Variants in LRRC41 observed in about 807,000 individuals in gnomAD.
The protein encoded by LRRC41 is leucine-rich repeat-containing protein 41.
In LRRC41, 17 loss-of-function variants were observed where a neutral mutation model predicts 72.1. That is an observed-to-expected ratio of 0.24 (90% CI 0.16 to 0.35). The LOEUF (loss-of-function observed/expected upper bound fraction) is 0.35. Among genes scored for constraint, LRRC41 ranks in the 10% least tolerant of loss-of-function variants. The pLI, the probability that LRRC41 is intolerant of heterozygous loss-of-function variation, is 1.00. For synonymous variants in LRRC41, 427 were observed against 431.0 expected (o/e 0.99, Z 0.11); for missense variants, 759 against 1,065.0 (o/e 0.71, Z 4.00).
intron 1 of LRRC41, among the ~76,000 whole-genome samples, chr1:46,301,615 C>T (rs1245885990): frequency 6.6e-6 from 1 of 152,098 alleles, no homozygotes; most frequent in Admixed American, 6.6e-5. Flanking sequence ...CAGCTTATCC[C>T]GGAGCTTCAG....
At chr1:46,301,063 G>A (rs1408313078) in intron 1 of LRRC41, among the ~76,000 whole-genome samples, 1 of 152,070 alleles carries the variant, frequency 6.6e-6, no homozygotes, top group Non-Finnish European at 1.5e-5. Context: ...AATTGTTTTA[G>A]GGGGAAGAGG....
Position 46,278,654 on chromosome 1 carries a change from G to C in LRRC41, c.*211C>G, listed in dbSNP as rs1470582866. On this transcript the variant is annotated 3_prime_UTR_variant, in exon 10 of 10. Transcript: ENST00000617190. Reference sequence around the variant, plus strand: ...AGGGTTCCCAGGATACTGAGTAAGGGGCCCAAAGACTATAAACCCAGCTGT... The same window carrying C: ...AGGGTTCCCAGGATACTGAGTAAGGCGCCCAAAGACTATAAACCCAGCTGT... The C allele has an allele frequency of 1.6e-6, 1 of 616,492 alleles. No individual in the cohort carries two copies. The highest frequency in any genetic ancestry group is 1.8e-5 in the African/African-American group (1 of 54,314). The allele number at this position is 616,492 out of a possible 1,614,324, so 38.2% of individuals were successfully genotyped here. A position where few individuals can be genotyped will look rare whatever the true frequency, so the allele number is the denominator to read the frequency against.
intron 3 of LRRC41, among the ~76,000 whole-genome samples, chr1:46,288,968 G>C (rs1233796043): frequency 2.0e-5 from 3 of 152,198 alleles, no homozygotes; most frequent in African/African-American, 4.8e-5. Flanking sequence ...CCTTAGCAAG[G>C]CTTCAGCTTT....
In LRRC41 at chr1:46,285,258, C is replaced by T; in HGVS notation, c.1495+104G>A. 1.7e-6 allele frequency: 2 copies of T among 1,152,878 alleles called. No homozygotes were observed. Among genetic ancestry groups the T allele is most frequent in the Non-Finnish European group, 2.5e-6 (2 of 788,576 alleles). The allele number at this position is 1,152,878 out of a possible 1,614,324, so 71.4% of individuals were successfully genotyped here. A position where few individuals can be genotyped will look rare whatever the true frequency, so the allele number is the denominator to read the frequency against. On this transcript the variant is annotated intron_variant, in intron 4 of 9. Coordinates refer to ENST00000617190, the MANE Select transcript of LRRC41 (RefSeq NM_006369.5). This position sits in a 1 kb window ranked among gnomAD's most constrained non-coding sequence, Gnocchi z 5.3. Reference sequence around the variant, plus strand: ...CATACAAGCCTTCCTCTCTAACCTCCTGATCATACCCCCAATTTGCCCCTC... The same window carrying T: ...CATACAAGCCTTCCTCTCTAACCTCTTGATCATACCCCCAATTTGCCCCTC...
At chr1:46,296,452 T>A (rs1196441720) in intron 3 of LRRC41, among the ~76,000 whole-genome samples, 1 of 150,718 alleles carries the variant, frequency 6.6e-6, no homozygotes, top group Non-Finnish European at 1.5e-5. Context: ...AAAACAAAAC[T>A]GTTAGGTCTT....
At chr1:46,292,317 C>T (rs1312180106) in intron 3 of LRRC41, among the ~76,000 whole-genome samples, 9 of 151,800 alleles carry the variant, frequency 5.9e-5, no homozygotes, top group South Asian at 2.1e-4. Flanking sequence ...AGACTGGTCT[C>T]GAATTCATGG....
Position 46,277,695 on chromosome 1 carries a change from A to G in LRRC41, c.*1170T>C, listed in dbSNP as rs779114433. 6.8e-5 allele frequency: 79 copies of G among 1,158,550 alleles called. No individual in the cohort carries two copies. Among genetic ancestry groups the G allele is most frequent in the Non-Finnish European group, 9.8e-5 (77 of 786,014 alleles). The allele number at this position is 1,158,550 out of a possible 1,614,324, so 71.8% of individuals were successfully genotyped here. A position where few individuals can be genotyped will look rare whatever the true frequency, so the allele number is the denominator to read the frequency against. On this transcript the variant is annotated 3_prime_UTR_variant, in exon 10 of 10. Transcript: ENST00000617190. ...GTAGAGATAATGTTCTGGGACTCAT[A>G]CTTTTTATTCATCTCCTCTTCTCGG...
intron 7 of LRRC41, 43 bp downstream of exon 7, chr1:46,280,149 G>T: frequency 6.9e-7 from 1 of 1,458,966 alleles, no homozygotes; most frequent in Non-Finnish European, 9.6e-7. Context: ...CAGAACCATA[G>T]TGAAGACCCA....
chr1:46,286,453 T>TG lies in LRRC41; in HGVS notation c.403dup (p.His135ProfsTer8). 6.2e-7 allele frequency: 1 copy of TG among 1,604,870 alleles called. No homozygotes were observed. The highest frequency in any genetic ancestry group is 8.5e-7 in the Non-Finnish European group (1 of 1,176,114). On this transcript the variant is annotated frameshift_variant, in exon 4 of 10. Transcript: ENST00000617190. LOFTEE classifies it high-confidence loss of function. This position sits in a 1 kb window ranked among gnomAD's most constrained non-coding sequence, Gnocchi z 5.5. Reference sequence around the variant, plus strand: ...CACATCAATGGTCCCACGTAGAACATGGGAAAAAAAGGCCTCCATAAACTT... The same window carrying TG: ...CACATCAATGGTCCCACGTAGAACATGGGGAAAAAAAGGCCTCCATAAACTT...
In LRRC41 at chr1:46,303,257, G is replaced by C. The variant is rs1273831422; in HGVS notation, c.66C>G (p.Thr22=). Residue 22 remains threonine, a synonymous_variant, in exon 1 of 10, where the codon ACC becomes ACG. Transcript: ENST00000617190. The part of the protein sequence containing the change: ...CWFCEVAAAT[T]MEATSREAAP... The stretch of plus-strand genomic sequence containing the variant: ...CCGCCTCCCGGGACGTGGCCTCCAT[G>C]GTCGTTGCCGCCGCTACCTCACAGA... The C allele has an allele frequency of 6.5e-7, 1 of 1,547,720 alleles. No homozygotes were observed. Among genetic ancestry groups the C allele is most frequent in the East Asian group, 2.4e-5 (1 of 40,954 alleles).
intron 4 of LRRC41, 70 bp from the exon 5 acceptor site, chr1:46,281,455 C>A: frequency 6.9e-7 from 1 of 1,459,020 alleles, no homozygotes; most frequent in Non-Finnish European, 9.4e-7. Context: ...TCAAATACAA[C>A]TCCAAATACT....
Position 46,285,967 on chromosome 1 carries a change from C to T in LRRC41, c.890G>A (p.Cys297Tyr). ...RRPRRDAAER[C>Y]AAALMASRRK... ...CCGGCTGGCCATCAGGGCTGCAGCA[C>T]ATCGCTCAGCAGCATCCCGGCGGGG... Residue 297 changes from cysteine to tyrosine, a missense_variant, in exon 4 of 10, where the codon TGT becomes TAT. By Grantham distance (194) the Cys-to-Tyr change is radical. Transcript: ENST00000617190. This position sits in a 1 kb window ranked among gnomAD's most constrained non-coding sequence, Gnocchi z 5.3. 1 of 1,539,754 alleles carries T rather than the reference C, an allele frequency of 6.5e-7. No individual in the cohort carries two copies. The highest frequency in any genetic ancestry group is 8.7e-7 in the Non-Finnish European group (1 of 1,143,628).
At chr1:46,292,810 A>G (rs1661045093) in intron 3 of LRRC41, among the ~76,000 whole-genome samples, 2 of 152,166 alleles carry the variant, frequency 1.3e-5, no homozygotes, top group Non-Finnish European at 2.9e-5. Flanking sequence ...AATTTAATCA[A>G]TACAAAGTCC....
chr1:46,279,105 A>C lies in LRRC41; in HGVS notation c.2220-21T>G. ...TGGAACTGGTAGGGTGAGATGGATT[A>C]GATATCCAGGAAGCAGTGAATTCCT... On this transcript the variant is annotated intron_variant, in intron 9 of 9. Transcript: ENST00000617190. This position sits in a 1 kb window ranked among gnomAD's most constrained non-coding sequence, Gnocchi z 4.5. 1 of 1,609,334 alleles carries C rather than the reference A, an allele frequency of 6.2e-7. No homozygotes were observed. Among genetic ancestry groups the C allele is most frequent in the Non-Finnish European group, 8.5e-7 (1 of 1,176,754 alleles).
intron 3 of LRRC41, 73 bp downstream of exon 3, chr1:46,297,490 C>T (rs1486623029): frequency 2.5e-6 from 3 of 1,212,692 alleles, no homozygotes; most frequent in Non-Finnish European, 2.4e-6. Context: ...CAGTACCCAG[C>T]TTGTGTTTGT....
intron 4 of LRRC41, among the ~76,000 whole-genome samples, chr1:46,282,339 A>G (rs368680142): frequency 3.9e-5 from 6 of 152,228 alleles, no homozygotes; most frequent in African/African-American, 1.4e-4. Context: ...CACAGCATGG[A>G]CTAGGATCCA....
chr1:46,297,658 G>A (rs1661151276), intron 2 of LRRC41, 25 bp from the exon 3 acceptor site: 1 of 1,567,564 alleles, frequency 6.4e-7, no homozygotes, highest in Admixed American at 1.7e-5. Flanking sequence ...ATCACACTTG[G>A]CTGCTTACTG....
At position 46,286,851 on chromosome 1, in the gene LRRC41, C is replaced by G. The variant is rs1340612018; in HGVS notation, c.358-352G>C. Among the ~76,000 whole-genome samples, 3 of 152,144 alleles carry G rather than the reference C, an allele frequency of 2.0e-5. No individual in the cohort carries two copies. Among genetic ancestry groups the G allele is most frequent in the African/African-American group, 7.2e-5 (3 of 41,426 alleles). Reference sequence around the variant, plus strand: ...TTTTTCTTTTTAAGATAGAGTCTCACTTTGTAGCCTAGGCTGGAGTGCAGT... The same window carrying G: ...TTTTTCTTTTTAAGATAGAGTCTCAGTTTGTAGCCTAGGCTGGAGTGCAGT... On this transcript the variant is annotated intron_variant, in intron 3 of 9. Coordinates refer to ENST00000617190, the MANE Select transcript of LRRC41 (RefSeq NM_006369.5). This position sits in a 1 kb window ranked among gnomAD's most constrained non-coding sequence, Gnocchi z 5.5.
intron 2 of LRRC41, 22 bp from the exon 3 acceptor site, chr1:46,297,655 T>A (rs781341284): frequency 6.3e-7 from 1 of 1,590,710 alleles, no homozygotes; most frequent in Non-Finnish European, 8.6e-7. Flanking sequence ...AATATCACAC[T>A]TGGCTGCTTA....
Sources: gnomAD v4.1 joint callset for allele counts (sites outside exome capture counted in the v4.1 genomes callset) on GRCh38, gnomAD v4.1.1 for gene constraint, Gnocchi (gnomAD v3.1) non-coding constraint, MANE v1.5 for transcripts, NCBI Gene and HGNC (gene_info 2026-07-23, HGNC 2026-07-21) for gene names.